PBRM1: variants seen among roughly 807,000 people sequenced by gnomAD.
PBRM1 encodes protein polybromo-1.
PBRM1 carries 27 observed loss-of-function variants against 194.5 expected under a neutral mutation model. The ratio of observed to expected loss-of-function variants is 0.14; its 90% CI spans 0.10 to 0.19. The LOEUF (loss-of-function observed/expected upper bound fraction) is 0.19. Among genes scored for constraint, PBRM1 ranks in the 10% least tolerant of loss-of-function variants. The probability of loss-of-function intolerance (pLI) is 1.00; values close to 1 mark genes in which losing one functional copy is unlikely to be tolerated. For synonymous variants in PBRM1, 655 were observed against 693.2 expected (o/e 0.94, Z 0.87); for missense variants, 1,466 against 2,077.2 (o/e 0.71, Z 5.72).
intron 7 of PBRM1, among the ~76,000 whole-genome samples, chr3:52,647,558 A>G (rs1473154120): frequency 6.7e-6 from 1 of 150,196 alleles, no homozygotes; most frequent in African/African-American, 2.4e-5. Flanking sequence ...ATAATAGCCA[A>G]TAAGTAGAAA....
chr3:52,568,189 G>C (rs1490004841), intron 22 of PBRM1, among the ~76,000 whole-genome samples: 1 of 152,162 alleles, frequency 6.6e-6, no homozygotes, highest in Non-Finnish European at 1.5e-5. Context: ...ATGTCGGCCA[G>C]GCTAGTCTTC....
chr3:52,596,922 T>C (rs2093609818), intron 17 of PBRM1, among the ~76,000 whole-genome samples: 1 of 152,156 alleles, frequency 6.6e-6, no homozygotes, highest in Non-Finnish European at 1.5e-5. Context: ...GTAGTCCTTG[T>C]GGCCTACACT....
intron 6 of PBRM1, 106 bp from the exon 8 acceptor site, chr3:52,648,548 A>T: frequency 1.3e-5 from 8 of 597,910 alleles, no homozygotes; most frequent in Non-Finnish European, 2.3e-5. Context: ...ATATTCCAAG[A>T]CTTTATTGGA....
At chr3:52,659,588 A>G (rs1056447704) in intron 4 of PBRM1, among the ~76,000 whole-genome samples, 7 of 151,972 alleles carry the variant, frequency 4.6e-5, no homozygotes, top group Admixed American at 3.9e-4. Context: ...TGCTTGGCTA[A>G]TTTTTTTACT....
intron 2 of PBRM1, among the ~76,000 whole-genome samples, chr3:52,676,623 C>A (rs1401487964): frequency 6.6e-6 from 1 of 152,066 alleles, no homozygotes; most frequent in Non-Finnish European, 1.5e-5. Flanking sequence ...TAAATTGATA[C>A]CAGTAGAGTT....
chr3:52,615,335 T>G lies in PBRM1; in HGVS notation c.1924+16A>C, dbSNP rs756892763. On this transcript the variant is annotated intron_variant, in intron 15 of 29. Coordinates refer to ENST00000296302, the Ensembl canonical transcript of PBRM1. ...TGATAGACTAAACTAAATAATGAAG[T>G]GTGAGGCTGCCTTACTCAGCTTGAG... 1 of 1,370,432 alleles carries G rather than the reference T, an allele frequency of 7.3e-7. No individual in the cohort carries two copies. Among genetic ancestry groups the G allele is most frequent in the Non-Finnish European group, 1.0e-6 (1 of 958,158 alleles). The allele number at this position is 1,370,432 out of a possible 1,614,324, so 84.9% of individuals were successfully genotyped here.
At chr3:52,657,215 T>A (rs1489648048) in intron 5 of PBRM1, among the ~76,000 whole-genome samples, 1 of 152,138 alleles carries the variant, frequency 6.6e-6, no homozygotes, top group Non-Finnish European at 1.5e-5. Context: ...TTCCAGATAG[T>A]GGTGATGGTT....
intron 13 of PBRM1, among the ~76,000 whole-genome samples, chr3:52,622,665 C>T (rs1484450333): frequency 2.0e-5 from 3 of 152,126 alleles, no homozygotes; most frequent in Non-Finnish European, 4.4e-5. Context: ...TCTGAAACAC[C>T]TAAATCAGTC....
At chr3:52,555,336 G>A (rs1220205995) in intron 26 of PBRM1, among the ~76,000 whole-genome samples, 2 of 152,144 alleles carry the variant, frequency 1.3e-5, no homozygotes, top group Non-Finnish European at 2.9e-5. Context: ...GGAGGGAAAT[G>A]AGCGCATAGT....
At chr3:52,659,325 T>C (rs746688069) in intron 4 of PBRM1, among the ~76,000 whole-genome samples, 19 of 152,248 alleles carry the variant, frequency 1.2e-4, no homozygotes, top group Non-Finnish European at 1.2e-4. Flanking sequence ...TTTGTACATA[T>C]AAAATAAAGA....
intron 19 of PBRM1, among the ~76,000 whole-genome samples, 181 bp downstream of exon 21, chr3:52,587,172 G>T (rs923934917): frequency 1.3e-5 from 2 of 152,148 alleles, no homozygotes; most frequent in Non-Finnish European, 2.9e-5. Context: ...GCAGCAAGTG[G>T]TCTTTCACAA....
intron 21 of PBRM1, among the ~76,000 whole-genome samples, chr3:52,578,355 G>T (rs1158189786): frequency 1.3e-5 from 2 of 152,202 alleles, no homozygotes; most frequent in African/African-American, 2.4e-5. Flanking sequence ...TGTATCCACA[G>T]AGCCTGGTAA....
At chr3:52,554,683 T>A in intron 27 of PBRM1, 41 bp downstream of exon 29, 1 of 1,487,836 alleles carries the variant, frequency 6.7e-7, no homozygotes, top group Non-Finnish European at 9.0e-7. Flanking sequence ...AAAGAGAATA[T>A]GAAGATGAGA....
chr3:52,664,784 G>A (rs978481582), intron 3 of PBRM1, among the ~76,000 whole-genome samples: 1 of 151,524 alleles, frequency 6.6e-6, no homozygotes, highest in African/African-American at 2.4e-5. Flanking sequence ...CAGGAAATAT[G>A]AAAAGTTAAG....
chr3:52,550,882 C>CT, intron 27 of PBRM1, 65 bp from the exon 30 acceptor site: 1 of 1,045,366 alleles, frequency 9.6e-7, no homozygotes, highest in African/African-American at 1.6e-5. Flanking sequence ...AAACTACTGT[C>CT]TGATAAGAAA....
upstream of PBRM1, among the ~76,000 whole-genome samples, chr3:52,684,374 G>A (rs2097272799): frequency 2.0e-5 from 3 of 151,928 alleles, no homozygotes; most frequent in South Asian, 2.1e-4. Context: ...GGAGAATATC[G>A]ACTTACTATA....
chr3:52,619,246 C>T (rs772539848), intron 13 of PBRM1, among the ~76,000 whole-genome samples: 6 of 152,128 alleles, frequency 3.9e-5, no homozygotes, highest in Non-Finnish European at 7.3e-5. Flanking sequence ...TATAGTCATC[C>T]CTTGGTATTC....
chr3:52,599,959 C>T (rs563012531), intron 17 of PBRM1, among the ~76,000 whole-genome samples: 22 of 151,950 alleles, frequency 1.4e-4, no homozygotes, highest in Non-Finnish European at 2.9e-4. Context: ...AAATCTATAA[C>T]AAAATCTGCC....
chr3:52,650,650 T>C (rs1388669225), intron 6 of PBRM1, among the ~76,000 whole-genome samples: 1 of 152,146 alleles, frequency 6.6e-6, no homozygotes, highest in Non-Finnish European at 1.5e-5. Flanking sequence ...CTCACATTTA[T>C]GAGGACCTCA....
Sources: allele counts gnomAD v4.1 joint callset (sites outside exome capture counted in the v4.1 genomes callset), GRCh38; gene constraint gnomAD v4.1.1; transcripts MANE v1.5; gene names NCBI Gene and HGNC (gene_info 2026-07-23, HGNC 2026-07-21).